NAXD: variants seen among roughly 807,000 people sequenced by gnomAD.
NAXD encodes ATP-dependent (S)-NAD(P)H-hydrate dehydratase.
In NAXD, 22 loss-of-function variants were observed where a neutral mutation model predicts 35.8. The observed-to-expected ratio is 0.62, with a 90% CI of 0.44 to 0.88. NAXD has a LOEUF of 0.88. Ranked by LOEUF, NAXD falls within the 40% of genes least tolerant of loss-of-function variation. NAXD has a pLI of 0.00. For synonymous variants in NAXD, 189 were observed against 177.6 expected (o/e 1.06, Z -0.51); for missense variants, 428 against 437.7 (o/e 0.98, Z 0.20).
chr13:110,632,805 G>T (rs567436674), intron 5 of NAXD, among the ~76,000 whole-genome samples: 1 of 151,098 alleles, frequency 6.6e-6, no homozygotes, highest in East Asian at 1.9e-4. Context: ...ACAGAGTGTC[G>T]ATTGGTGCAT....
At chr13:110,627,761 A>G (rs770196268) in intron 5 of NAXD, among the ~76,000 whole-genome samples, 1 of 152,190 alleles carries the variant, frequency 6.6e-6, no homozygotes, top group Non-Finnish European at 1.5e-5. Context: ...CTGTTTTCTC[A>G]TGGAGCAGCT....
chr13:110,631,463 G>C (rs1427514644), intron 5 of NAXD, among the ~76,000 whole-genome samples: 1 of 152,148 alleles, frequency 6.6e-6, no homozygotes, highest in Non-Finnish European at 1.5e-5. Context: ...AGTGTACCAA[G>C]GTTTGCTTTC....
In NAXD at chr13:110,638,328, G is replaced by A. The variant is rs371200101; in HGVS notation, c.840-50G>A. The A allele has an allele frequency of 5.0e-6, 8 of 1,613,090 alleles. No individual in the cohort carries two copies. The African/African-American group carries it at 5.3e-5, about 11-fold the overall frequency. On this transcript the variant is annotated intron_variant, in intron 9 of 9. Transcript: ENST00000680254. The surrounding 1 kb of genome is among the most constrained non-coding windows in gnomAD (Gnocchi z 5.4). ...AGAGCCCAGGGTAGCTGCGGCCCCCGGACCACGACGCCCACTTCCCCACAC... is the reference window on the plus strand; with the variant it reads ...AGAGCCCAGGGTAGCTGCGGCCCCCAGACCACGACGCCCACTTCCCCACAC...
chr13:110,637,170 G>A lies in NAXD; in HGVS notation c.760G>A (p.Gly254Arg), dbSNP rs756387024. 6.2e-7 allele frequency: 1 copy of A among 1,614,006 alleles called. No individual in the cohort carries two copies. ...SQEGSSRRCG[G>R]QGDLLSGSLG... Reference sequence around the variant, plus strand: ...GGAAGGCAGCAGCCGCAGGTGTGGAGGGCAAGGGGACCTCCTGTCGGGCTC... The same window carrying A: ...GGAAGGCAGCAGCCGCAGGTGTGGAAGGCAAGGGGACCTCCTGTCGGGCTC... The change falls in exon 9 of 10, where the codon GGG (glycine) becomes AGG (arginine). Residue 254 changes from glycine to arginine, a missense_variant. This residue lies in a region of NAXD where 209 missense variants were observed against 214.6 expected (regional missense o/e 0.97). Coordinates refer to ENST00000680254, the MANE Select transcript of NAXD (RefSeq NM_001242882.2).
rs1225575423 is a variant in NAXD at position 110,637,182 on chromosome 13, C to T, written c.772C>T (p.Leu258Phe). 4 of 1,613,956 alleles carry T rather than the reference C, an allele frequency of 2.5e-6. No individual in the cohort carries two copies. The highest frequency in any genetic ancestry group is 3.4e-6 in the Non-Finnish European group (4 of 1,180,006). Reference sequence around the variant, plus strand: ...CCGCAGGTGTGGAGGGCAAGGGGACCTCCTGTCGGGCTCCCTGGGCGTCCT... The same window carrying T: ...CCGCAGGTGTGGAGGGCAAGGGGACTTCCTGTCGGGCTCCCTGGGCGTCCT... The part of the protein sequence containing the change: ...SSRRCGGQGD[L>F]LSGSLGVLVH... The change falls in exon 9 of 10, where the codon CTC becomes TTC. Residue 258 changes from leucine (L) to phenylalanine (F), a missense_variant. By Grantham distance (22) the Leu-to-Phe change is conservative. Coordinates refer to ENST00000680254, the MANE Select transcript of NAXD (RefSeq NM_001242882.2).
At chr13:110,622,639 T>C (rs1886312350) in intron 2 of NAXD, among the ~76,000 whole-genome samples, 1 of 152,232 alleles carries the variant, frequency 6.6e-6, no homozygotes, top group Non-Finnish European at 1.5e-5. Context: ...CTTTTCTGTA[T>C]TTAACTGGAC....
intron 7 of NAXD, 68 bp from the exon 8 acceptor site, chr13:110,635,400 C>G: frequency 1.3e-6 from 2 of 1,570,236 alleles, no homozygotes; most frequent in Non-Finnish European, 1.7e-6. Context: ...GCGGATGGGA[C>G]AGGGCTATCT....
At chr13:110,623,769 G>C (rs1325834623) in intron 2 of NAXD, among the ~76,000 whole-genome samples, 1 of 152,220 alleles carries the variant, frequency 6.6e-6, no homozygotes, top group Non-Finnish European at 1.5e-5. Flanking sequence ...TTGAGAGGCC[G>C]AGGCGGGCGG....
chr13:110,622,239 C>A lies in NAXD; in HGVS notation c.70C>A (p.Arg24Ser), dbSNP rs138412062. Residue 24 changes from arginine (R) to serine (S), a missense_variant, in exon 2 of 10, where the codon CGT (arginine) becomes AGT (serine). This residue lies in a region of NAXD where 208 missense variants were observed against 193.0 expected (regional missense o/e 1.08). Coordinates refer to ENST00000680254, the MANE Select transcript of NAXD (RefSeq NM_001242882.2). ...AGTTTTAGAAAGAGCGTTTTCGCTA[C>A]GTAAAGCACATTCGATAAAGGATAT... ...RRVLERAFSL[R>S]KAHSIKDMEN... is the part of the protein sequence containing the mutation. 16 of 1,613,484 alleles carry A rather than the reference C, an allele frequency of 9.9e-6. No individual in the cohort carries two copies. The highest frequency in any genetic ancestry group is 1.7e-4 in the Middle Eastern group (1 of 6,058).
At chr13:110,622,465 C>A in intron 2 of NAXD, 99 bp downstream of exon 2, 1 of 1,239,798 alleles carries the variant, frequency 8.1e-7, no homozygotes, top group Non-Finnish European at 1.1e-6. Flanking sequence ...CCTCAGTAAT[C>A]ATTTCCAAAT....
At position 110,628,878 on chromosome 13, in the gene NAXD, G is replaced by C. The variant is rs1388746628; in HGVS notation, c.441+1331G>C. Among the ~76,000 whole-genome samples, 1 of 152,000 alleles carries C rather than the reference G, an allele frequency of 6.6e-6. No homozygotes were observed. Among genetic ancestry groups the C allele is most frequent in the South Asian group, 2.1e-4 (1 of 4,834 alleles). ...AACGAGCCAGAGTGCTCTGCTTCAG[G>C]TTATTTTCTTTGTGAATTTAAGTTC... On this transcript the variant is annotated intron_variant, in intron 5 of 9. Coordinates refer to ENST00000680254, the MANE Select transcript of NAXD (RefSeq NM_001242882.2). This position sits in a 1 kb window ranked among gnomAD's most constrained non-coding sequence, Gnocchi z 4.1.
chr13:110,625,321 C>A lies in NAXD; in HGVS notation c.332+43C>A, dbSNP rs1301661109. 3.6e-6 allele frequency: 5 copies of A among 1,377,280 alleles called. No homozygotes were observed. In the South Asian group the frequency reaches 4.7e-5, roughly 13 times the overall value. 85.3% of individuals were successfully genotyped at this position (1,377,280 alleles called of 1,614,324 possible). Reference sequence around the variant, plus strand: ...GGCTTCTCGTAGGTTCTCTTTCCCTCCTGCATCATTTGGGGTTTTGGCACT... The same window carrying A: ...GGCTTCTCGTAGGTTCTCTTTCCCTACTGCATCATTTGGGGTTTTGGCACT... On this transcript the variant is annotated intron_variant, in intron 4 of 9. Coordinates refer to ENST00000680254, the MANE Select transcript of NAXD (RefSeq NM_001242882.2).
intron 5 of NAXD, among the ~76,000 whole-genome samples, 188 bp from the exon 6 acceptor site, chr13:110,634,357 A>G (rs1164188649): frequency 6.6e-6 from 1 of 152,152 alleles, no homozygotes; most frequent in Non-Finnish European, 1.5e-5. Context: ...AGGGCAGGAG[A>G]GAGACCCTTA....
chr13:110,624,029 T>C (rs1362656514), intron 2 of NAXD, among the ~76,000 whole-genome samples: 2 of 151,902 alleles, frequency 1.3e-5, no homozygotes, highest in African/African-American at 2.4e-5. Context: ...AAGACATTTC[T>C]AGTCGAACCT....
chr13:110,625,087 C>T, intron 3 of NAXD, 103 bp from the exon 4 acceptor site: 1 of 817,850 alleles, frequency 1.2e-6, no homozygotes, highest in Non-Finnish European at 2.1e-6. Flanking sequence ...GTTTCTCATG[C>T]ACGTCACCAG....
chr13:110,634,872 T>A, intron 7 of NAXD, 96 bp downstream of exon 7: 1 of 857,706 alleles, frequency 1.2e-6, no homozygotes, highest in Admixed American at 2.1e-5. Context: ...CCTGTCCCTG[T>A]GGACACACCT....
intron 4 of NAXD, among the ~76,000 whole-genome samples, chr13:110,627,123 T>C (rs1886513889): frequency 1.3e-5 from 2 of 152,188 alleles, no homozygotes; most frequent in Non-Finnish European, 2.9e-5. Flanking sequence ...GTTTGGGTCC[T>C]GACATGGGAA....
chr13:110,615,631 C>G lies in NAXD; in HGVS notation c.30C>G (p.Ile10Met). 6.7e-7 allele frequency: 1 copy of G among 1,483,936 alleles called. No individual in the cohort carries two copies. Among genetic ancestry groups the G allele is most frequent in the East Asian group, 2.9e-5 (1 of 34,200 alleles). The allele number at this position is 1,483,936 out of a possible 1,614,324, so 91.9% of individuals were successfully genotyped here. A position where few individuals can be genotyped will look rare whatever the true frequency, so the allele number is the denominator to read the frequency against. The change falls in exon 1 of 10, where the codon ATC becomes ATG. Residue 10 changes from isoleucine to methionine, a missense_variant. By Grantham distance (10) the Ile-to-Met change is conservative. Around this residue, in one of 3 missense-constraint regions of NAXD, gnomAD observed 208 missense variants for 193.0 expected, o/e 1.08. Transcript: ENST00000680254. Reference protein sequence around the residue: MALGPRCGAIRACRRVLERA... With the variant: MALGPRCGAMRACRRVLERA... ...CCCTGGGTCCTCGCTGTGGGGCAAT[C>G]CGGGCTTGCAGACGAGGTAAGGTCG...
intron 8 of NAXD, 80 bp from the exon 9 acceptor site, chr13:110,637,049 C>G (rs1394312629): frequency 8.1e-6 from 12 of 1,481,788 alleles, no homozygotes; most frequent in Non-Finnish European, 1.1e-5. Context: ...GCCTGCCGTG[C>G]GGCCTTCCAC....
Sources: allele counts gnomAD v4.1 joint callset (sites outside exome capture counted in the v4.1 genomes callset), GRCh38; gene constraint gnomAD v4.1.1; regional missense constraint gnomAD v4.1.1; non-coding constraint Gnocchi (gnomAD v3.1); transcripts MANE v1.5; gene names NCBI Gene and HGNC (gene_info 2026-07-23, HGNC 2026-07-21).